The following MAGI2 variants were observed in gnomAD, a reference collection of about 807,000 sequenced individuals.
MAGI2 encodes the protein membrane associated guanylate kinase, WW and PDZ domain containing 2.
In MAGI2, 35 loss-of-function variants were observed where a neutral mutation model predicts 133.3. That is an observed-to-expected ratio of 0.26 (90% CI 0.20 to 0.35). The LOEUF (loss-of-function observed/expected upper bound fraction) is 0.35. Ranked by LOEUF, MAGI2 falls within the 10% of genes least tolerant of loss-of-function variation. MAGI2 has a pLI of 1.00. For synonymous variants in MAGI2, 729 were observed against 710.6 expected, an observed-to-expected ratio of 1.03 and a Z score of -0.41; for missense variants, 1,636 against 1,863.4, an observed-to-expected ratio of 0.88 and a Z score of 2.25.
At chr7:78,592,384 A>T (rs1245521154) in intron 3 of MAGI2, among the ~76,000 whole-genome samples, 1 of 151,456 alleles carries the variant, frequency 6.6e-6, no homozygotes, top group East Asian at 1.9e-4. Flanking sequence ...AAATAGTGCA[A>T]GCTCTGTAGG....
chr7:79,042,716 A>C (rs1178020301), intron 1 of MAGI2, among the ~76,000 whole-genome samples: 1 of 152,152 alleles, frequency 6.6e-6, no homozygotes, highest in East Asian at 1.9e-4. Context: ...TTGGGATCTG[A>C]ATTTGATACT....
chr7:78,508,026 C>G (rs1795241205), intron 4 of MAGI2, among the ~76,000 whole-genome samples: 1 of 152,216 alleles, frequency 6.6e-6, no homozygotes. Flanking sequence ...TTTCAGGCTT[C>G]TCTCTTAGGT....
intron 2 of MAGI2, among the ~76,000 whole-genome samples, chr7:78,922,563 G>T (rs1227964623): frequency 6.6e-6 from 1 of 152,028 alleles, no homozygotes; most frequent in Non-Finnish European, 1.5e-5. Flanking sequence ...TGGTGTATAT[G>T]TGCCACATTT....
intron 6 of MAGI2, among the ~76,000 whole-genome samples, chr7:78,483,678 G>C (rs1428612805): frequency 6.6e-6 from 1 of 151,822 alleles, no homozygotes; most frequent in African/African-American, 2.4e-5. Context: ...GTATTTCTGA[G>C]TACTTCTGAC....
chr7:78,417,706 C>T (rs936520325), intron 6 of MAGI2, among the ~76,000 whole-genome samples: 2 of 152,088 alleles, frequency 1.3e-5, no homozygotes, highest in Non-Finnish European at 2.9e-5. Flanking sequence ...TCCTGGGGGA[C>T]AGATATTACT....
chr7:79,075,078 A>G (rs528607729), intron 1 of MAGI2, among the ~76,000 whole-genome samples: 12 of 152,274 alleles, frequency 7.9e-5, no homozygotes, highest in African/African-American at 2.4e-4. Context: ...TCCTCCCACA[A>G]CCACACTCAT....
chr7:78,583,209 C>T (rs1214900699), intron 3 of MAGI2, among the ~76,000 whole-genome samples: 1 of 152,120 alleles, frequency 6.6e-6, no homozygotes, highest in African/African-American at 2.4e-5. Flanking sequence ...GCCTCTCTCA[C>T]CCCTTAAAAA....
intron 21 of MAGI2, among the ~76,000 whole-genome samples, chr7:78,030,357 A>C (rs1809435880): frequency 6.6e-6 from 1 of 152,156 alleles, no homozygotes. Context: ...TCCTGGTTCA[A>C]GCGATTCTCC....
At chr7:79,100,555 T>C (rs1443562351) in intron 1 of MAGI2, among the ~76,000 whole-genome samples, 1 of 151,648 alleles carries the variant, frequency 6.6e-6, no homozygotes, top group Non-Finnish European at 1.5e-5. Flanking sequence ...CATTTTCTAC[T>C]TTTTAAAACC....
At chr7:78,813,006 T>C (rs1789209249) in intron 2 of MAGI2, among the ~76,000 whole-genome samples, 1 of 152,158 alleles carries the variant, frequency 6.6e-6, no homozygotes, top group African/African-American at 2.4e-5. Context: ...AGTAGGCACG[T>C]CCACCCTGTC....
intron 21 of MAGI2, chr7:78,078,457 A>G (rs1316579986): frequency 1.8e-5 from 3 of 163,510 alleles, no homozygotes; most frequent in African/African-American, 7.2e-5. Context: ...AAGAAATGCA[A>G]CCATTGCGTG....
At chr7:79,071,262 G>T (rs1481115770) in intron 1 of MAGI2, among the ~76,000 whole-genome samples, 1 of 152,172 alleles carries the variant, frequency 6.6e-6, no homozygotes, top group Non-Finnish European at 1.5e-5. Context: ...GTTTGCCTGG[G>T]TATCACTGGT....
intron 2 of MAGI2, among the ~76,000 whole-genome samples, chr7:78,974,195 A>AG (rs1804035937): frequency 6.6e-6 from 1 of 151,706 alleles, no homozygotes; most frequent in Non-Finnish European, 1.5e-5. Context: ...TATTTTCTAG[A>AG]GAAAAAAAAA....
intron 5 of MAGI2, among the ~76,000 whole-genome samples, chr7:78,495,063 T>C (rs1322285604): frequency 1.3e-5 from 2 of 152,210 alleles, no homozygotes; most frequent in Non-Finnish European, 2.9e-5. Flanking sequence ...GTAGTAGTGA[T>C]ATAAGTTCAG....
At chr7:78,319,732 GCAAA>G (rs1166451251) in intron 9 of MAGI2, among the ~76,000 whole-genome samples, 1 of 152,050 alleles carries the variant, frequency 6.6e-6, no homozygotes, top group African/African-American at 2.4e-5. Flanking sequence ...AGAAGCAAGA[GCAAA>G]CAAATTCAAA....
At chr7:78,794,018 A>T (rs2151375406) in intron 2 of MAGI2, among the ~76,000 whole-genome samples, 1 of 152,342 alleles carries the variant, frequency 6.6e-6, no homozygotes, top group Admixed American at 6.5e-5. Flanking sequence ...GTGACCTATA[A>T]AGTGACTAGA....
intron 1 of MAGI2, among the ~76,000 whole-genome samples, chr7:79,421,064 C>T (rs528820100): frequency 1.6e-3 from 242 of 151,986 alleles, no homozygotes; most frequent in Non-Finnish European, 2.9e-3. Flanking sequence ...TGTAACAACA[C>T]CAGATAGAAC....
In MAGI2 at chr7:79,015,256, G is replaced by T. The variant is rs535874899; in HGVS notation, c.302-8050C>A. ...GATCACTTGAGGACAGGAGTTCCAG[G>T]TCAGCCTGGGCAACACAGTAAGACC... is the stretch of plus-strand genomic sequence containing the variant. On this transcript the variant is annotated intron_variant, in intron 1 of 21. Coordinates refer to ENST00000354212, the MANE Select transcript of MAGI2 (RefSeq NM_012301.4). Among the ~76,000 whole-genome samples the T allele has an allele frequency of 1.2e-4, 18 of 151,896 alleles. No individual in the cohort carries two copies. In the South Asian group the frequency reaches 2.7e-3, roughly 23 times the overall value.
intron 1 of MAGI2, among the ~76,000 whole-genome samples, chr7:79,324,778 A>G (rs1839558285): frequency 6.9e-6 from 1 of 143,916 alleles, no homozygotes. Context: ...AAGTTTCCAA[A>G]GCAGTGATCC....
Sources: allele counts gnomAD v4.1 joint callset (sites outside exome capture counted in the v4.1 genomes callset), GRCh38; gene constraint gnomAD v4.1.1; transcripts MANE v1.5; gene names NCBI Gene and HGNC (gene_info 2026-07-23, HGNC 2026-07-21).